The following ZNF469 variants were observed in gnomAD, a reference collection of about 807,000 sequenced individuals.
ZNF469 encodes zinc finger protein 469.
ZNF469 carries 1 observed loss-of-function variant against 1.0 expected under a neutral mutation model. The ratio of observed to expected loss-of-function variants is 1.00; its 90% CI spans 0.35 to 4.73. The LOEUF (loss-of-function observed/expected upper bound fraction) is 4.73. Ranked by LOEUF, ZNF469 falls within the 30% of genes most tolerant of loss-of-function variation. The pLI is 0.16. For missense variants in ZNF469, 6,100 were observed against 5,356.3 expected, an observed-to-expected ratio of 1.14 and a Z score of -4.33; for synonymous variants, 2,703 against 2,363.4, an observed-to-expected ratio of 1.14 and a Z score of -4.17.
the ZNF469 span, among the ~76,000 whole-genome samples, chr16:88,261,223 G>A: frequency 6.6e-6 from 1 of 152,236 alleles, no homozygotes; most frequent in Non-Finnish European, 1.5e-5. The surrounding 1 kb of genome is among the most constrained non-coding windows in gnomAD (Gnocchi z 6.0). Context: ...GCCCGCATTT[G>A]AGGGAGGCAA....
the ZNF469 span, among the ~76,000 whole-genome samples, chr16:88,221,253 G>C: frequency 2.6e-5 from 4 of 152,224 alleles, no homozygotes; most frequent in African/African-American, 9.6e-5. Context: ...TCTCCTGCTA[G>C]CCGTGGCTTC....
chr16:88,386,316 G>A (rs2092536661), intron 1 of ZNF469, among the ~76,000 whole-genome samples: 1 of 152,090 alleles, frequency 6.6e-6, no homozygotes, highest in African/African-American at 2.4e-5. Context: ...CCTGATAAGG[G>A]TCCTCATGGG....
At chr16:88,402,076 A>G (rs1423250397) in intron 1 of ZNF469, among the ~76,000 whole-genome samples, 4 of 135,572 alleles carry the variant, frequency 3.0e-5, no homozygotes, top group Non-Finnish European at 6.1e-5. Context: ...GGATGGATAG[A>G]TGGTAGATGG....
the ZNF469 span, among the ~76,000 whole-genome samples, chr16:88,130,878 G>T: frequency 6.6e-6 from 1 of 152,212 alleles, no homozygotes; most frequent in Non-Finnish European, 1.5e-5. Context: ...GCGTGGGAAG[G>T]CCCCGCGGAG....
chr16:88,265,657 C>A, the ZNF469 span, among the ~76,000 whole-genome samples: 1 of 152,198 alleles, frequency 6.6e-6, no homozygotes, highest in African/African-American at 2.4e-5. Flanking sequence ...TCAATGTTCC[C>A]GTCTGTGAAG....
At chr16:88,402,580 C>T (rs1168890753) in intron 1 of ZNF469, among the ~76,000 whole-genome samples, 1 of 152,134 alleles carries the variant, frequency 6.6e-6, no homozygotes, top group Non-Finnish European at 1.5e-5. Context: ...AGAGACTTTC[C>T]CAGGATGCTG....
the ZNF469 span, among the ~76,000 whole-genome samples, chr16:88,202,847 G>A: frequency 2.0e-5 from 3 of 152,192 alleles, no homozygotes; most frequent in Non-Finnish European, 2.9e-5. Flanking sequence ...GGGAGGCCAG[G>A]TCAGGTCCCT....
Position 88,431,543 on chromosome 16 carries a change from G to C in ZNF469, c.4073G>C (p.Gly1358Ala). ...TCCAGTTTTGGCTGTGACCCTGCTG[G>C]TTTTAACAGAGACCCCTTGGGGGTT... ...KISSFGCDPAGFNRDPLGVPV... is the reference protein window; with the variant it reads ...KISSFGCDPAAFNRDPLGVPV... Residue 1358 changes from glycine to alanine, a missense_variant, in exon 3 of 3, where the codon GGT (glycine) becomes GCT (alanine). Physicochemically the swap from Gly to Ala is moderately conservative, Grantham distance 60. Transcript: ENST00000565624. 1 of 1,550,430 alleles carries C rather than the reference G, an allele frequency of 6.4e-7. No homozygotes were observed. The highest frequency in any genetic ancestry group is 8.7e-7 in the Non-Finnish European group (1 of 1,146,988).
At chr16:88,387,473 C>T (rs1225959293) in intron 1 of ZNF469, among the ~76,000 whole-genome samples, 2 of 152,206 alleles carry the variant, frequency 1.3e-5, no homozygotes, top group African/African-American at 2.4e-5. Flanking sequence ...TGGCTGCTTG[C>T]GGTTGCTGGT....
the ZNF469 span, among the ~76,000 whole-genome samples, chr16:88,349,520 C>G: frequency 6.7e-6 from 1 of 148,210 alleles, no homozygotes; most frequent in Non-Finnish European, 1.5e-5. Flanking sequence ...ACACAATACA[C>G]ACCAACACAA....
the ZNF469 span, among the ~76,000 whole-genome samples, chr16:88,358,742 C>T: frequency 0.23 from 35,390 of 151,398 alleles, 4,489 homozygotes; most frequent in East Asian, 0.5. Flanking sequence ...TTTTTGAGAC[C>T]GAGTCTTGCT....
In ZNF469 at chr16:88,430,739, G is replaced by C. The variant is rs1271318307; in HGVS notation, c.3269G>C (p.Arg1090Pro). Residue 1090 changes from arginine (R) to proline (P), a missense_variant, in exon 3 of 3, where the codon CGC becomes CCC. By Grantham distance (103) the Arg-to-Pro change is moderately radical. Transcript: ENST00000565624. The part of the protein sequence containing the change: ...PRPGAEDRRL[R>P]EYDFASESEE... ...CCCGGAGCTGAGGACCGCAGGCTCC[G>C]CGAGTACGACTTCGCCTCGGAGTCC... The C allele has an allele frequency of 6.7e-7, 1 of 1,500,812 alleles. No individual in the cohort carries two copies. The highest frequency in any genetic ancestry group is 1.3e-5 in the South Asian group (1 of 79,072). The allele number at this position is 1,500,812 out of a possible 1,614,324, so 93.0% of individuals were successfully genotyped here. A position where few individuals can be genotyped will look rare whatever the true frequency, so the allele number is the denominator to read the frequency against.
At chr16:88,398,281 G>A (rs751300466) in intron 1 of ZNF469, among the ~76,000 whole-genome samples, 12 of 152,254 alleles carry the variant, frequency 7.9e-5, no homozygotes, top group Non-Finnish European at 1.3e-4. Flanking sequence ...AAAGGGAAAC[G>A]TGAACCACAG....
chr16:88,132,227 G>A, the ZNF469 span, among the ~76,000 whole-genome samples: 272 of 152,336 alleles, frequency 1.8e-3, 4 homozygotes, highest in Non-Finnish European at 8.8e-5. Flanking sequence ...GGTTGCTTTC[G>A]GCCTCCGACG....
chr16:88,180,265 T>C, the ZNF469 span, among the ~76,000 whole-genome samples: 1 of 151,970 alleles, frequency 6.6e-6, no homozygotes, highest in Non-Finnish European at 1.5e-5. Context: ...ATTTTTAGGT[T>C]GGGTAGATAT....
the ZNF469 span, among the ~76,000 whole-genome samples, chr16:88,257,217 G>T: frequency 6.6e-6 from 1 of 151,420 alleles, no homozygotes; most frequent in African/African-American, 2.4e-5. Context: ...GCCTGCCTTG[G>T]CATCCCAAAG....
rs1351970844 is a variant in ZNF469, at chr16:88,435,239, C to T, written c.7769C>T (p.Ser2590Phe). 3 of 1,550,308 alleles carry T rather than the reference C, an allele frequency of 1.9e-6. No individual in the cohort carries two copies. Among genetic ancestry groups the T allele is most frequent in the African/African-American group, 2.7e-5 (2 of 73,048 alleles). The change falls in exon 3 of 3, where the codon TCC (serine) becomes TTC (phenylalanine). Residue 2590 changes from serine (S) to phenylalanine (F), a missense_variant. By Grantham distance (155) the Ser-to-Phe change is radical. Transcript: ENST00000565624. ...GAGGTAGATGTGAAGACTCCGGCCT[C>T]CAAGCCCAGACCAGACCAGGCCAGG... ...EHEVDVKTPA[S>F]KPRPDQARED... is the part of the protein sequence containing the mutation.
At chr16:88,112,600 C>T in the ZNF469 span, among the ~76,000 whole-genome samples, 1 of 152,228 alleles carries the variant, frequency 6.6e-6, no homozygotes. Context: ...AACGTCTATT[C>T]AGATCTTTTG....
the ZNF469 span, among the ~76,000 whole-genome samples, chr16:88,135,842 C>G: frequency 0.77 from 112,981 of 146,676 alleles, 44,115 homozygotes; most frequent in Non-Finnish European, 0.82. Flanking sequence ...CTCACTGCAA[C>G]CTCCGTCTCC....
Sources: allele counts gnomAD v4.1 joint callset (sites outside exome capture counted in the v4.1 genomes callset), GRCh38; gene constraint gnomAD v4.1.1; non-coding constraint Gnocchi (gnomAD v3.1); transcripts MANE v1.5; gene names NCBI Gene and HGNC (gene_info 2026-07-23, HGNC 2026-07-21).